ACTN1: variants seen among roughly 807,000 people sequenced by gnomAD.
ACTN1 encodes actinin alpha 1.
ACTN1 carries 30 observed loss-of-function variants against 119.6 expected under a neutral mutation model. The ratio of observed to expected loss-of-function variants is 0.25; its 90% CI spans 0.19 to 0.34. The LOEUF (loss-of-function observed/expected upper bound fraction) is 0.34. Among genes scored for constraint, ACTN1 ranks in the 10% least tolerant of loss-of-function variants. The pLI, the probability that ACTN1 is intolerant of heterozygous loss-of-function variation, is 1.00. For synonymous variants in ACTN1, 429 were observed against 472.6 expected (o/e 0.91, Z 1.20); for missense variants, 764 against 1,223.4 (o/e 0.62, Z 5.60).
intron 11 of ACTN1, among the ~76,000 whole-genome samples, chr14:68,889,429 C>T (rs185704625): frequency 2.0e-5 from 3 of 152,372 alleles, no homozygotes; most frequent in Admixed American, 1.3e-4. Flanking sequence ...CCCCATAAAA[C>T]TCATGTCAAC....
chr14:68,893,548 G>C, intron 9 of ACTN1, 107 bp downstream of exon 9: 1 of 1,109,052 alleles, frequency 9.0e-7, no homozygotes, highest in Non-Finnish European at 1.3e-6. Context: ...ATTGGGATCA[G>C]AGACTATACA....
intron 3 of ACTN1, among the ~76,000 whole-genome samples, chr14:68,916,535 G>T (rs994194757): frequency 6.6e-6 from 1 of 152,146 alleles, no homozygotes; most frequent in Non-Finnish European, 1.5e-5. Context: ...GCCCATGCAC[G>T]CCCAGCCCCA....
intron 1 of ACTN1, among the ~76,000 whole-genome samples, chr14:68,948,846 C>CG (rs1187807190): frequency 3.3e-5 from 5 of 152,208 alleles, no homozygotes; most frequent in Non-Finnish European, 7.3e-5. Flanking sequence ...GCTGACAGAA[C>CG]AGACACACTG....
intron 6 of ACTN1, among the ~76,000 whole-genome samples, chr14:68,908,970 T>C (rs1442473979): frequency 6.6e-6 from 1 of 152,188 alleles, no homozygotes; most frequent in Non-Finnish European, 1.5e-5. Flanking sequence ...TGCACTGTTT[T>C]CAATGATGAA....
intron 1 of ACTN1, chr14:68,977,801 C>CCCCG: frequency 4.4e-6 from 1 of 227,696 alleles, no homozygotes; most frequent in African/African-American, 5.4e-5. Flanking sequence ...GCCATCCTGT[C>CCCCG]CCCCCCCCAC....
At position 68,878,917 on chromosome 14, in the gene ACTN1, G is replaced by T. The variant is rs968079556; in HGVS notation, c.2361+72C>A. ...ACAGGAGATCCAGACAGAGAGAAGA[G>T]AAAAAGGAAAAACGCATTATTTCTT... On this transcript the variant is annotated intron_variant, in intron 19 of 21. Coordinates refer to ENST00000394419, the MANE Select transcript of ACTN1 (RefSeq NM_001130004.2). This position sits in a 1 kb window ranked among gnomAD's most constrained non-coding sequence, Gnocchi z 4.4. 1 of 1,607,714 alleles carries T rather than the reference G, an allele frequency of 6.2e-7. No homozygotes were observed. The highest frequency in any genetic ancestry group is 8.5e-7 in the Non-Finnish European group (1 of 1,179,056).
At chr14:68,892,694 A>ATC (rs1487443271) in intron 9 of ACTN1, among the ~76,000 whole-genome samples, 6 of 152,284 alleles carry the variant, frequency 3.9e-5, no homozygotes, top group African/African-American at 1.4e-4. Flanking sequence ...AGTTCTTGCC[A>ATC]TCTGACTTCC....
chr14:68,882,649 C>T lies in ACTN1; in HGVS notation c.1819-57G>A. On this transcript the variant is annotated intron_variant, in intron 15 of 21. Transcript: ENST00000394419. The surrounding 1 kb of genome is among the most constrained non-coding windows in gnomAD (Gnocchi z 4.5). ...ATGGGTCAGCCATCTGTCCATGTGC[C>T]AGATGAGGAAATGGAGGACCCAGAA... 2 of 1,604,942 alleles carry T rather than the reference C, an allele frequency of 1.2e-6. No homozygotes were observed. Among genetic ancestry groups the T allele is most frequent in the Non-Finnish European group, 1.7e-6 (2 of 1,173,844 alleles).
At position 68,878,505 on chromosome 14, in the gene ACTN1, C is replaced by T; in HGVS notation, c.2380G>A (p.Asp794Asn). The change falls in exon 20 of 22, where the codon GAC becomes AAC. Residue 794 changes from aspartate to asparagine, a missense_variant. Asp to Asn is a conservative substitution (Grantham distance 23). This residue lies in a region of ACTN1 where 544 missense variants were observed against 912.0 expected (regional missense o/e 0.60). Transcript: ENST00000394419. This position sits in a 1 kb window ranked among gnomAD's most constrained non-coding sequence, Gnocchi z 4.4. ...AGGCAGGCGCGGAAATCATCCGTGTCCATCATGCCTGTCTTCTTCTGTGGG... is the reference window on the plus strand; with the variant it reads ...AGGCAGGCGCGGAAATCATCCGTGTTCATCATGCCTGTCTTCTTCTGTGGG... ...NDPQKKTGMM[D>N]TDDFRACLIS... 1 of 1,594,566 alleles carries T rather than the reference C, an allele frequency of 6.3e-7. No homozygotes were observed. Among genetic ancestry groups the T allele is most frequent in the Non-Finnish European group, 8.6e-7 (1 of 1,168,898 alleles).
In ACTN1 at chr14:68,874,680, T is replaced by A; in HGVS notation, c.*179A>T. The A allele has an allele frequency of 1.9e-6, 1 of 524,258 alleles. No individual in the cohort carries two copies. The highest frequency in any genetic ancestry group is 3.0e-6 in the Non-Finnish European group (1 of 338,586). 32.5% of individuals were successfully genotyped at this position (524,258 alleles called of 1,614,324 possible). A position where few individuals can be genotyped will look rare whatever the true frequency, so the allele number is the denominator to read the frequency against. On this transcript the variant is annotated 3_prime_UTR_variant, in exon 22 of 22. Coordinates refer to ENST00000394419, the MANE Select transcript of ACTN1 (RefSeq NM_001130004.2). ...TTTTAACGTAACTTTTTTTTCTTTT[T>A]TGCAGAAAATAATTTTGTAAACTGT...
chr14:68,905,875 C>T (rs921428378), intron 6 of ACTN1, among the ~76,000 whole-genome samples: 21 of 151,384 alleles, frequency 1.4e-4, no homozygotes, highest in South Asian at 4.2e-4. Context: ...CCCAGCTACT[C>T]GGGAGGCTGG....
intron 8 of ACTN1, among the ~76,000 whole-genome samples, chr14:68,897,654 C>A (rs1566612408): frequency 6.6e-6 from 1 of 152,226 alleles, no homozygotes; most frequent in Non-Finnish European, 1.5e-5. Flanking sequence ...CAAAATGTTC[C>A]CAAATCTAGC....
At chr14:68,877,314 T>G in intron 20 of ACTN1, 74 bp from the exon 21 acceptor site, 1 of 1,573,534 alleles carries the variant, frequency 6.4e-7, no homozygotes. Context: ...CTGAAGACCC[T>G]GGGGGCTCAG....
At chr14:68,903,459 C>T (rs2033468632) in intron 7 of ACTN1, among the ~76,000 whole-genome samples, 1 of 151,856 alleles carries the variant, frequency 6.6e-6, no homozygotes, top group African/African-American at 2.4e-5. Flanking sequence ...ATCGCTTGAA[C>T]CCAGGAGGCG....
In ACTN1 at chr14:68,880,767, G is replaced by GGGC. The variant is rs769068627; in HGVS notation, c.2133+40_2133+42dup. On this transcript the variant is annotated intron_variant, in intron 17 of 21. Transcript: ENST00000394419. The surrounding 1 kb of genome is among the most constrained non-coding windows in gnomAD (Gnocchi z 4.6). ...CCCCACCCAGGAGAAAGAGCAGAAGGGGCCACGGGCTCCCGAAGAGGAACA... is the reference window on the plus strand; with the variant it reads ...CCCCACCCAGGAGAAAGAGCAGAAGGGGCGGCCACGGGCTCCCGAAGAGGAACA... 28 of 1,598,162 alleles carry GGGC rather than the reference G, an allele frequency of 1.8e-5. 3 individuals carry two copies. In the Admixed American group the frequency reaches 3.9e-4, roughly 22 times the overall value.
chr14:68,893,850 G>A (rs1371407128), intron 8 of ACTN1, 103 bp from the exon 9 acceptor site: 2 of 1,077,838 alleles, frequency 1.9e-6, no homozygotes, highest in African/African-American at 1.6e-5. Context: ...GCAGCTCCCT[G>A]TGGTTGGAAG....
intron 1 of ACTN1, among the ~76,000 whole-genome samples, chr14:68,928,326 G>A (rs1026762433): frequency 2.0e-5 from 3 of 152,118 alleles, no homozygotes; most frequent in African/African-American, 7.2e-5. Context: ...AGGTCTCCTG[G>A]ACAAAGCCCT....
Position 68,925,648 on chromosome 14 carries a change from G to A in ACTN1, c.130C>T (p.His44Tyr). ...RKTFTAWCNS[H>Y]LRKAGTQIEN... The stretch of plus-strand genomic sequence containing the variant: ...ATCTGTGTCCCCGCCTTCCGGAGGT[G>A]GGAGTTACACCATGCCGTGAATGTC... The change falls in exon 2 of 22, where the codon CAC (histidine) becomes TAC (tyrosine). Residue 44 changes from histidine to tyrosine, a missense_variant. Coordinates refer to ENST00000394419, the MANE Select transcript of ACTN1 (RefSeq NM_001130004.2). This position sits in a 1 kb window ranked among gnomAD's most constrained non-coding sequence, Gnocchi z 4.3. 1.2e-6 allele frequency: 2 copies of A among 1,613,228 alleles called. No individual in the cohort carries two copies.
intron 1 of ACTN1, among the ~76,000 whole-genome samples, chr14:68,938,252 C>G (rs1469823862): frequency 6.6e-6 from 1 of 152,214 alleles, no homozygotes; most frequent in Non-Finnish European, 1.5e-5. Flanking sequence ...GCTGAAAAAG[C>G]TGACAACCAC....
Sources: gnomAD v4.1 joint callset for allele counts (sites outside exome capture counted in the v4.1 genomes callset) on GRCh38, gnomAD v4.1.1 for gene constraint, gnomAD v4.1.1 regional missense constraint, Gnocchi (gnomAD v3.1) non-coding constraint, MANE v1.5 for transcripts, NCBI Gene and HGNC (gene_info 2026-07-23, HGNC 2026-07-21) for gene names.